MACROD2: variants seen among roughly 807,000 people sequenced by gnomAD.
MACROD2 encodes the protein ADP-ribose glycohydrolase MACROD2.
In MACROD2, 36 loss-of-function variants were observed where a neutral mutation model predicts 70.4. That is an observed-to-expected ratio of 0.51 (90% CI 0.39 to 0.68). The LOEUF is 0.68. Ranked by LOEUF, MACROD2 falls within the 30% of genes least tolerant of loss-of-function variation. The pLI is 0.00. For synonymous variants in MACROD2, 172 were observed against 178.8 expected, an observed-to-expected ratio of 0.96 and a Z score of 0.30; for missense variants, 496 against 538.4, an observed-to-expected ratio of 0.92 and a Z score of 0.78.
chr20:15,725,901 AGGTAAATT>A (rs1402383086), intron 8 of MACROD2, among the ~76,000 whole-genome samples: 1 of 152,058 alleles, frequency 6.6e-6, no homozygotes, highest in Non-Finnish European at 1.5e-5. Context: ...TTTGTTATAT[AGGTAAATT>A]GTGTAAATTT....
chr20:14,731,650 T>A (rs2071598762), intron 5 of MACROD2, among the ~76,000 whole-genome samples: 2 of 152,160 alleles, frequency 1.3e-5, no homozygotes, highest in Admixed American at 1.3e-4. Flanking sequence ...TGTGGGGACC[T>A]CTGGAGGTCC....
chr20:15,010,787 G>A (rs1021016989), intron 5 of MACROD2, among the ~76,000 whole-genome samples: 1 of 152,122 alleles, frequency 6.6e-6, no homozygotes, highest in Non-Finnish European at 1.5e-5. Context: ...GTTTTGAAAT[G>A]AGCGTCAGTG....
chr20:15,241,984 G>T (rs986880647), intron 6 of MACROD2, among the ~76,000 whole-genome samples: 4 of 152,014 alleles, frequency 2.6e-5, no homozygotes, highest in African/African-American at 9.7e-5. Context: ...GATTCTCCAA[G>T]GCATGTATTA....
intron 3 of MACROD2, among the ~76,000 whole-genome samples, chr20:14,475,506 GCACATTAGCATCTTTTCA>G (rs557964153): frequency 2.0e-5 from 3 of 151,302 alleles, no homozygotes; most frequent in South Asian, 2.1e-4. Flanking sequence ...GCATCTTTTT[GCACATTAGCATCTTTTCA>G]CACATTAGCA....
chr20:15,921,948 G>A (rs976561759), intron 10 of MACROD2, among the ~76,000 whole-genome samples: 1 of 152,230 alleles, frequency 6.6e-6, no homozygotes, highest in African/African-American at 2.4e-5. Flanking sequence ...CCCACTCCAG[G>A]GGCATGGATG....
intron 3 of MACROD2, among the ~76,000 whole-genome samples, chr20:14,310,837 A>G (rs2082560717): frequency 6.6e-6 from 1 of 152,122 alleles, no homozygotes; most frequent in Admixed American, 6.5e-5. Flanking sequence ...TTAAGAAAAA[A>G]GTTTAAAAAG....
intron 4 of MACROD2, among the ~76,000 whole-genome samples, chr20:14,611,452 G>GTTTT (rs11473891): frequency 1.4e-3 from 158 of 113,320 alleles, no homozygotes; most frequent in African/African-American, 5.0e-3. Context: ...ATGCCCTGAG[G>GTTTT]TTTTTTTTTT....
intron 8 of MACROD2, among the ~76,000 whole-genome samples, chr20:15,831,773 C>A (rs114575286): frequency 0.014 from 2,060 of 152,282 alleles, 62 homozygotes; most frequent in African/African-American, 0.047. Flanking sequence ...ACTCCTCAGA[C>A]TCTGCCTCTG....
intron 4 of MACROD2, among the ~76,000 whole-genome samples, chr20:14,624,152 T>C (rs1185385606): frequency 6.6e-6 from 1 of 152,104 alleles, no homozygotes; most frequent in Non-Finnish European, 1.5e-5. Flanking sequence ...AGGCAGGAGG[T>C]AGACCTTATG....
chr20:14,779,847 C>G (rs891504624), intron 5 of MACROD2, among the ~76,000 whole-genome samples: 2 of 152,006 alleles, frequency 1.3e-5, no homozygotes, highest in Non-Finnish European at 2.9e-5. Flanking sequence ...TCATTATATT[C>G]TGCATTTAGC....
chr20:14,557,985 A>G (rs970037458), intron 4 of MACROD2, among the ~76,000 whole-genome samples: 1 of 151,886 alleles, frequency 6.6e-6, no homozygotes, highest in Non-Finnish European at 1.5e-5. Flanking sequence ...CCATCATCTC[A>G]TGAATGGATA....
intron 4 of MACROD2, among the ~76,000 whole-genome samples, chr20:14,579,698 C>T (rs1452925518): frequency 6.6e-6 from 1 of 152,056 alleles, no homozygotes; most frequent in Non-Finnish European, 1.5e-5. Flanking sequence ...AGGAAAAGCC[C>T]ATTTTTATGT....
chr20:15,749,545 A>C (rs1358777697), intron 8 of MACROD2, among the ~76,000 whole-genome samples: 1 of 152,054 alleles, frequency 6.6e-6, no homozygotes, highest in Non-Finnish European at 1.5e-5. Context: ...TGTGACATTG[A>C]CTTTTCATTG....
chr20:15,382,954 A>G (rs1877744497), intron 6 of MACROD2, among the ~76,000 whole-genome samples: 1 of 152,232 alleles, frequency 6.6e-6, no homozygotes, highest in Admixed American at 6.5e-5. Flanking sequence ...GTAAGAGCAA[A>G]GAAGACTTCA....
At chr20:14,264,031 C>T (rs1024304423) in intron 3 of MACROD2, among the ~76,000 whole-genome samples, 6 of 144,856 alleles carry the variant, frequency 4.1e-5, no homozygotes, top group East Asian at 2.0e-4. Flanking sequence ...ACACACAACA[C>T]AAGTGAAGGA....
At chr20:14,108,206 A>C (rs2054397994) in intron 3 of MACROD2, among the ~76,000 whole-genome samples, 1 of 152,088 alleles carries the variant, frequency 6.6e-6, no homozygotes, top group African/African-American at 2.4e-5. Flanking sequence ...TTGGGTTATA[A>C]GATAATGTTT....
intron 7 of MACROD2, among the ~76,000 whole-genome samples, chr20:15,483,624 G>T (rs1166545918): frequency 2.6e-5 from 4 of 152,118 alleles, no homozygotes; most frequent in African/African-American, 4.8e-5. Flanking sequence ...TGAAAATATA[G>T]ATTCTTCTTT....
intron 10 of MACROD2, among the ~76,000 whole-genome samples, chr20:15,899,661 A>G (rs2065035215): frequency 6.6e-6 from 1 of 152,224 alleles, no homozygotes; most frequent in Admixed American, 6.5e-5. Flanking sequence ...ACTTTCCATC[A>G]TATTTTTACA....
chr20:16,001,683 G>T (rs1332987441), intron 15 of MACROD2, among the ~76,000 whole-genome samples: 6 of 152,058 alleles, frequency 3.9e-5, no homozygotes, highest in Non-Finnish European at 8.8e-5. Context: ...TTTCAAAGGA[G>T]AATTTTTTTT....
Sources: gnomAD v4.1 joint callset for allele counts (sites outside exome capture counted in the v4.1 genomes callset) on GRCh38, gnomAD v4.1.1 for gene constraint, MANE v1.5 for transcripts, NCBI Gene and HGNC (gene_info 2026-07-23, HGNC 2026-07-21) for gene names.